RABEP2: variants seen among roughly 807,000 people sequenced by gnomAD.
RABEP2 encodes the protein rabaptin, RAB GTPase binding effector protein 2, also known as rab GTPase-binding effector protein 2.
A neutral mutation model predicts 74.1 loss-of-function variants in RABEP2; 57 were observed. The ratio of observed to expected loss-of-function variants is 0.77; its 90% CI spans 0.62 to 0.96. RABEP2 has a LOEUF of 0.96. Ranked by LOEUF, RABEP2 falls within the 40% of genes least tolerant of loss-of-function variation. The pLI, the probability that RABEP2 is intolerant of heterozygous loss-of-function variation, is 0.00. For synonymous variants in RABEP2, 351 were observed against 344.0 expected, an observed-to-expected ratio of 1.02 and a Z score of -0.23; for missense variants, 692 against 756.3, an observed-to-expected ratio of 0.91 and a Z score of 1.00.
Position 28,905,027 on chromosome 16 carries a change from G to T in RABEP2, c.1626C>A (p.Ile542=). The part of the protein sequence containing the change: ...SQALQVRLER[I]RQAETLEQVR... ...CTTGCTCCAGGGTCTCAGCCTGGCGGATCCGCTCTAGGCGCACCTGCCGGA... is the reference window on the plus strand; with the variant it reads ...CTTGCTCCAGGGTCTCAGCCTGGCGTATCCGCTCTAGGCGCACCTGCCGGA... Residue 542 remains isoleucine (I), a synonymous_variant, in exon 13 of 13, where the codon ATC becomes ATA. Coordinates refer to ENST00000358201, the MANE Select transcript of RABEP2 (RefSeq NM_024816.3). 6.2e-7 allele frequency: 1 copy of T among 1,608,298 alleles called. No individual in the cohort carries two copies. Among genetic ancestry groups the T allele is most frequent in the Non-Finnish European group, 8.5e-7 (1 of 1,179,508 alleles).
intron 5 of RABEP2, among the ~76,000 whole-genome samples, 158 bp downstream of exon 5, chr16:28,914,078 A>G (rs944026179): frequency 6.6e-6 from 1 of 151,568 alleles, no homozygotes; most frequent in East Asian, 1.9e-4. Context: ...CCTGGCCCCT[A>G]TGCATGTTTA....
chr16:28,921,087 C>A (rs1026090802), intron 2 of RABEP2: 2 of 444,048 alleles, frequency 4.5e-6, no homozygotes, highest in Non-Finnish European at 9.1e-6. Flanking sequence ...TGGTCTTGAA[C>A]TCCTGAGCTC....
intron 1 of RABEP2, 101 bp from the exon 2 acceptor site, chr16:28,924,716 C>T (rs1964510891): frequency 1.8e-6 from 2 of 1,099,570 alleles, no homozygotes. Context: ...TCATCTGGGG[C>T]CTCCTTCACC....
chr16:28,913,778 CTTTTT>C (rs1163826105), intron 5 of RABEP2, among the ~76,000 whole-genome samples: 1 of 120,466 alleles, frequency 8.3e-6, no homozygotes, highest in Admixed American at 9.3e-5. Flanking sequence ...CACCCGGCCT[CTTTTT>C]TTTTTTTTTT....
intron 3 of RABEP2, among the ~76,000 whole-genome samples, chr16:28,919,044 T>C (rs369669357): frequency 3.0e-4 from 46 of 152,344 alleles, no homozygotes; most frequent in African/African-American, 1.0e-3. Context: ...AGTACTGAAT[T>C]TCCCTGAGCC....
At position 28,914,779 on chromosome 16, in the gene RABEP2, G is replaced by A. The variant is rs758169342; in HGVS notation, c.436C>T (p.His146Tyr). 1 of 1,613,950 alleles carries A rather than the reference G, an allele frequency of 6.2e-7. No homozygotes were observed. The highest frequency in any genetic ancestry group is 1.7e-5 in the Admixed American group (1 of 59,990). The change falls in exon 4 of 13, where the codon CAC becomes TAC. Residue 146 changes from histidine to tyrosine, a missense_variant. Transcript: ENST00000358201. Reference protein sequence around the residue: ...DSLEKQMEKAHEDSEKLREIV... With the variant: ...DSLEKQMEKAYEDSEKLREIV... ...TCCCGCAGCTTCTCCGAGTCCTCGT[G>A]GGCCTGGAGGGAGCGGGGTGTGGCA...
At chr16:28,905,994 T>C in intron 9 of RABEP2, 25 bp downstream of exon 9, 3 of 1,609,324 alleles carry the variant, frequency 1.9e-6, no homozygotes, top group East Asian at 2.2e-5. Flanking sequence ...GGCCCGGGGC[T>C]GGGGGCTTGT....
chr16:28,911,059 G>A (rs1964305541), intron 6 of RABEP2, 25 bp downstream of exon 6: 1 of 1,611,874 alleles, frequency 6.2e-7, no homozygotes, highest in African/African-American at 1.3e-5. Flanking sequence ...GGCCGGCTGG[G>A]GCTGCAGCAG....
chr16:28,913,038 C>T (rs1489660799), intron 5 of RABEP2, among the ~76,000 whole-genome samples: 1 of 152,072 alleles, frequency 6.6e-6, no homozygotes, highest in African/African-American at 2.4e-5. Flanking sequence ...TCTCGGCTTA[C>T]CACAACTTCT....
chr16:28,905,088 C>A (rs775800802), intron 12 of RABEP2, 44 bp from the exon 13 acceptor site: 3 of 1,514,986 alleles, frequency 2.0e-6, no homozygotes, highest in Non-Finnish European at 2.7e-6. Flanking sequence ...TGTGGGGAAA[C>A]GCAGCCCCTA....
intron 2 of RABEP2, 83 bp downstream of exon 2, chr16:28,924,320 T>G: frequency 7.3e-7 from 1 of 1,377,844 alleles, no homozygotes; most frequent in Non-Finnish European, 1.0e-6. Context: ...ATCCCATAGC[T>G]TATCTGTGCC....
chr16:28,912,406 C>CT lies in RABEP2; in HGVS notation c.895-1228dup, dbSNP rs58094012. On this transcript the variant is annotated intron_variant, in intron 5 of 12. Transcript: ENST00000358201. ...AGCCCCAAGTAAGCTTTCTTTCTTT[C>CT]TTTTTTTTTTTTTTTTTTTTGAGAT... Among the ~76,000 whole-genome samples the CT allele has an allele frequency of 2.4e-3, 279 of 118,138 alleles. 1 individual carries two copies. The highest frequency in any genetic ancestry group is 5.1e-3 in the East Asian group (22 of 4,272). The allele number at this position is 118,138 out of a possible 152,430, so 77.5% of individuals were successfully genotyped here. A position where few individuals can be genotyped will look rare whatever the true frequency, so the allele number is the denominator to read the frequency against.
chr16:28,913,558 T>A (rs1964342018), intron 5 of RABEP2, among the ~76,000 whole-genome samples: 1 of 151,818 alleles, frequency 6.6e-6, no homozygotes, highest in South Asian at 2.1e-4. Flanking sequence ...CTTGGCTCAC[T>A]GCAACCTCCG....
In RABEP2 at chr16:28,919,897, C is replaced by T. The variant is rs762189521; in HGVS notation, c.321G>A (p.Glu107=). 2 of 1,608,428 alleles carry T rather than the reference C, an allele frequency of 1.2e-6. No homozygotes were observed. Among genetic ancestry groups the T allele is most frequent in the East Asian group, 4.5e-5 (2 of 44,750 alleles). Residue 107 remains glutamate, a synonymous_variant, in exon 3 of 13, where the codon GAG becomes GAA. Transcript: ENST00000358201. ...CACAGTCCTGCTGCTGCTGCTGTCG[C>T]TCCTGCTTCAGGGCGGTGATCTGGG... ...YEAQITALKQ[E]RQQQQQDCEE...
At chr16:28,910,761 C>T in intron 7 of RABEP2, 127 bp downstream of exon 7, 1 of 823,394 alleles carries the variant, frequency 1.2e-6, no homozygotes, top group East Asian at 2.6e-5. Flanking sequence ...GCACCGGTTC[C>T]AGGGTGTGGC....
At chr16:28,911,336 T>A (rs1964310999) in intron 5 of RABEP2, among the ~76,000 whole-genome samples, 157 bp from the exon 6 acceptor site, 2 of 152,002 alleles carry the variant, frequency 1.3e-5, no homozygotes, top group Non-Finnish European at 2.9e-5. Flanking sequence ...TCCCCACCCA[T>A]CAGCAGGCCC....
intron 2 of RABEP2, among the ~76,000 whole-genome samples, chr16:28,920,692 T>G (rs933498281): frequency 8.6e-5 from 13 of 151,742 alleles, no homozygotes; most frequent in East Asian, 2.0e-4. Flanking sequence ...AGCCCTTTTT[T>G]TTTGTTTGTT....
chr16:28,913,026 G>A (rs759384497), intron 5 of RABEP2, among the ~76,000 whole-genome samples: 2 of 151,778 alleles, frequency 1.3e-5, no homozygotes, highest in African/African-American at 2.4e-5. Flanking sequence ...GCAATGGCGC[G>A]ATCTCGGCTT....
chr16:28,915,599 G>A (rs1317264723), intron 3 of RABEP2, among the ~76,000 whole-genome samples: 1 of 151,940 alleles, frequency 6.6e-6, no homozygotes, highest in African/African-American at 2.4e-5. Context: ...GACTAGAGTG[G>A]AGTGGCATAA....
Sources: gnomAD v4.1 joint callset for allele counts (sites outside exome capture counted in the v4.1 genomes callset) on GRCh38, gnomAD v4.1.1 for gene constraint, MANE v1.5 for transcripts, NCBI Gene and HGNC (gene_info 2026-07-23, HGNC 2026-07-21) for gene names.